KCNB2: variants seen among roughly 807,000 people sequenced by gnomAD.
KCNB2 encodes the protein delayed rectifier potassium channel protein.
In KCNB2, 15 loss-of-function variants were observed where a neutral mutation model predicts 61.5. The ratio of observed to expected loss-of-function variants is 0.24; its 90% CI spans 0.16 to 0.38. The LOEUF is 0.38. Among genes scored for constraint, KCNB2 ranks in the 10% least tolerant of loss-of-function variants. The probability of loss-of-function intolerance (pLI) is 1.00; values close to 1 mark genes in which losing one functional copy is unlikely to be tolerated. For synonymous variants in KCNB2, 457 were observed against 446.0 expected, an observed-to-expected ratio of 1.02 and a Z score of -0.31; for missense variants, 828 against 1,125.2, an observed-to-expected ratio of 0.74 and a Z score of 3.78.
At chr8:72,832,425 T>C (rs1370598436) in intron 2 of KCNB2, among the ~76,000 whole-genome samples, 2 of 152,188 alleles carry the variant, frequency 1.3e-5, no homozygotes, top group Non-Finnish European at 1.5e-5. Flanking sequence ...AAAAGTCTAG[T>C]TCAAGGTAAT....
At chr8:72,598,996 C>A (rs2128982214) in intron 2 of KCNB2, among the ~76,000 whole-genome samples, 1 of 152,240 alleles carries the variant, frequency 6.6e-6, no homozygotes, top group South Asian at 2.1e-4. Context: ...TAGGAAGAAT[C>A]AATATCGTGA....
chr8:72,881,731 A>T (rs1372227831), intron 2 of KCNB2: 4 of 152,248 alleles, frequency 2.6e-5, no homozygotes, highest in African/African-American at 9.6e-5. Context: ...AGAGGGAAGA[A>T]GAGAAAAAAT....
At chr8:72,715,982 C>G (rs968366417) in intron 2 of KCNB2, among the ~76,000 whole-genome samples, 6 of 152,148 alleles carry the variant, frequency 3.9e-5, no homozygotes, top group African/African-American at 1.4e-4. Context: ...AAGGGGATAT[C>G]ACCACCGATC....
intron 2 of KCNB2, among the ~76,000 whole-genome samples, chr8:72,846,879 A>G (rs190809061): frequency 4.3e-4 from 65 of 152,304 alleles, no homozygotes; most frequent in African/African-American, 1.5e-3. Context: ...AACTAGAAAT[A>G]CCATTTGACC....
At chr8:72,844,252 G>A (rs568029345) in intron 2 of KCNB2, among the ~76,000 whole-genome samples, 181 of 152,244 alleles carry the variant, frequency 1.2e-3, no homozygotes, top group African/African-American at 3.7e-3. Context: ...CTTTAAGGAT[G>A]TTGAATATTG....
chr8:72,844,526 A>G (rs1809952436), intron 2 of KCNB2, among the ~76,000 whole-genome samples: 1 of 152,202 alleles, frequency 6.6e-6, no homozygotes. Context: ...AATATCCTGA[A>G]GAGTGTTTTC....
chr8:72,740,593 A>G (rs1807935701), intron 2 of KCNB2, among the ~76,000 whole-genome samples: 1 of 152,184 alleles, frequency 6.6e-6, no homozygotes, highest in African/African-American at 2.4e-5. Flanking sequence ...TGGCTGCCAA[A>G]AGGAAGGGGC....
At chr8:72,688,948 C>T (rs1324965150) in intron 2 of KCNB2, among the ~76,000 whole-genome samples, 1 of 152,158 alleles carries the variant, frequency 6.6e-6, no homozygotes, top group African/African-American at 2.4e-5. Flanking sequence ...AGGCTGGTCT[C>T]AAACTCCTGG....
chr8:72,654,644 C>G (rs1250880245), intron 2 of KCNB2, among the ~76,000 whole-genome samples: 1 of 152,140 alleles, frequency 6.6e-6, no homozygotes, highest in Non-Finnish European at 1.5e-5. Flanking sequence ...TCATTTACTG[C>G]TTTTTCAGAT....
intron 2 of KCNB2, among the ~76,000 whole-genome samples, chr8:72,844,363 C>G (rs539201637): frequency 4.3e-4 from 66 of 152,216 alleles, no homozygotes; most frequent in African/African-American, 1.2e-3. Flanking sequence ...CTCTGGCTGC[C>G]CTTAACATTT....
At chr8:72,844,977 G>A (rs1032200731) in intron 2 of KCNB2, among the ~76,000 whole-genome samples, 4 of 152,130 alleles carry the variant, frequency 2.6e-5, no homozygotes, top group African/African-American at 7.2e-5. Context: ...GTTTTGTTCC[G>A]TTGCTGGTGA....
chr8:72,769,457 T>G (rs574869815), intron 2 of KCNB2, among the ~76,000 whole-genome samples: 1 of 152,234 alleles, frequency 6.6e-6, no homozygotes, highest in South Asian at 2.1e-4. Context: ...AATAGAGATA[T>G]GCACAGACAA....
At chr8:72,930,121 A>T (rs1211849687) in intron 2 of KCNB2, among the ~76,000 whole-genome samples, 1 of 151,978 alleles carries the variant, frequency 6.6e-6, no homozygotes, top group Non-Finnish European at 1.5e-5. Context: ...CCTACAAAGG[A>T]CATGAACTCA....
chr8:72,860,264 C>A (rs1368922600), intron 2 of KCNB2, among the ~76,000 whole-genome samples: 1 of 147,790 alleles, frequency 6.8e-6, no homozygotes, highest in Non-Finnish European at 1.5e-5. Context: ...AGACTTTTTT[C>A]CAATGAGGCT....
At chr8:72,557,744 C>A (rs763996512) in intron 1 of KCNB2, among the ~76,000 whole-genome samples, 19 of 152,252 alleles carry the variant, frequency 1.2e-4, no homozygotes, top group Non-Finnish European at 2.8e-4. Flanking sequence ...CAGGTGATCA[C>A]CTGGGTCTTC....
At chr8:72,745,846 T>C (rs1209621635) in intron 2 of KCNB2, among the ~76,000 whole-genome samples, 1 of 152,068 alleles carries the variant, frequency 6.6e-6, no homozygotes, top group Non-Finnish European at 1.5e-5. Flanking sequence ...CCTTCCTGAG[T>C]CACTTCATTT....
intron 2 of KCNB2, among the ~76,000 whole-genome samples, chr8:72,792,819 T>C (rs959475152): frequency 5.3e-5 from 8 of 152,370 alleles, no homozygotes; most frequent in African/African-American, 1.7e-4. Context: ...CTTGATCTTT[T>C]ATATAATGTC....
intron 2 of KCNB2, among the ~76,000 whole-genome samples, chr8:72,888,455 T>C (rs1036792038): frequency 6.6e-6 from 1 of 152,114 alleles, no homozygotes; most frequent in African/African-American, 2.4e-5. Flanking sequence ...CAGTCATAAT[T>C]ATAAAAGATA....
At chr8:72,789,418 C>G (rs188620575) in intron 2 of KCNB2, among the ~76,000 whole-genome samples, 2 of 152,222 alleles carry the variant, frequency 1.3e-5, no homozygotes, top group South Asian at 2.1e-4. Flanking sequence ...TCTGGGAGCA[C>G]AAAAGATTAT....
Sources: allele counts gnomAD v4.1 joint callset (sites outside exome capture counted in the v4.1 genomes callset), GRCh38; gene constraint gnomAD v4.1.1; transcripts MANE v1.5; gene names NCBI Gene and HGNC (gene_info 2026-07-23, HGNC 2026-07-21).